Variants in GXYLT1 observed in about 807,000 individuals in gnomAD.
GXYLT1 encodes the protein glycosyltransferase 8 domain containing 3.
In GXYLT1, 29 loss-of-function variants were observed where a neutral mutation model predicts 54.0. The observed-to-expected ratio is 0.54, with a 90% CI of 0.40 to 0.73. The LOEUF is 0.73. GXYLT1 is among the 30% of genes least tolerant of loss of function. The pLI is 0.00. For missense variants in GXYLT1, 490 were observed against 553.4 expected, an observed-to-expected ratio of 0.89 and a Z score of 1.15; for synonymous variants, 176 against 204.1, an observed-to-expected ratio of 0.86 and a Z score of 1.17.
At chr12:42,115,756 T>G (rs2065490390) in intron 3 of GXYLT1, among the ~76,000 whole-genome samples, 1 of 151,932 alleles carries the variant, frequency 6.6e-6, no homozygotes. Context: ...CCAATGACTT[T>G]CTTCACAGAA....
chr12:42,117,238 C>T (rs904827474), intron 3 of GXYLT1, among the ~76,000 whole-genome samples: 1 of 151,452 alleles, frequency 6.6e-6, no homozygotes, highest in Admixed American at 6.6e-5. Context: ...TGTAACAAAC[C>T]TGCACATCAT....
intron 3 of GXYLT1, among the ~76,000 whole-genome samples, chr12:42,118,486 C>T (rs887474314): frequency 6.6e-6 from 1 of 152,202 alleles, no homozygotes; most frequent in Non-Finnish European, 1.5e-5. Context: ...GATCTGGACT[C>T]AGATGGAAGT....
chr12:42,133,482 C>T (rs1481580834), intron 1 of GXYLT1, among the ~76,000 whole-genome samples: 1 of 152,148 alleles, frequency 6.6e-6, no homozygotes, highest in Non-Finnish European at 1.5e-5. Flanking sequence ...AAGGCACATG[C>T]AGAAGCCACT....
intron 7 of GXYLT1, among the ~76,000 whole-genome samples, chr12:42,088,348 T>C (rs1278294546): frequency 1.3e-5 from 2 of 151,732 alleles, no homozygotes; most frequent in Admixed American, 1.3e-4. Context: ...GAGGCTGGAA[T>C]GGAAGGAAAT....
At chr12:42,103,514 T>A (rs2065402089) in intron 5 of GXYLT1, among the ~76,000 whole-genome samples, 1 of 152,192 alleles carries the variant, frequency 6.6e-6, no homozygotes, top group South Asian at 2.1e-4. Flanking sequence ...CTAGAAACTG[T>A]AAAACTGGTA....
intron 2 of GXYLT1, among the ~76,000 whole-genome samples, chr12:42,129,096 A>G (rs1177373863): frequency 6.6e-6 from 1 of 152,184 alleles, no homozygotes; most frequent in Non-Finnish European, 1.5e-5. Flanking sequence ...TCAGGGAGAT[A>G]GTCTGAGAGT....
chr12:42,118,732 T>TA (rs1181113816), intron 3 of GXYLT1, among the ~76,000 whole-genome samples: 1 of 152,188 alleles, frequency 6.6e-6, no homozygotes, highest in Non-Finnish European at 1.5e-5. Flanking sequence ...TCTCATGGTT[T>TA]AAAAGTGTGG....
rs569850863 is a variant in GXYLT1 at position 42,112,078 on chromosome 12, AG to A, written c.487-2388del. 6.7e-3 allele frequency among the ~76,000 whole-genome samples: 1,021 copies of A among 152,336 alleles called. 8 individuals carry two copies. Among genetic ancestry groups the A allele is most frequent in the Non-Finnish European group, 0.011 (739 of 68,022 alleles). Reference sequence around the variant, plus strand: ...CCAAACTCCAACAGACCTGCAGCTGAGGGTCCTGTCTGGTAGAAGGAAAACT... The same window carrying A: ...CCAAACTCCAACAGACCTGCAGCTGAGGTCCTGTCTGGTAGAAGGAAAACT... On this transcript the variant is annotated intron_variant, in intron 3 of 7. Transcript: ENST00000398675.
chr12:42,136,785 T>TACAA (rs1565582094), intron 1 of GXYLT1, among the ~76,000 whole-genome samples: 2 of 151,326 alleles, frequency 1.3e-5, no homozygotes, highest in East Asian at 1.9e-4. Context: ...CATACATACA[T>TACAA]ACAAACAAAC....
At chr12:42,130,142 A>G (rs1224440292) in intron 1 of GXYLT1, among the ~76,000 whole-genome samples, 1 of 152,168 alleles carries the variant, frequency 6.6e-6, no homozygotes, top group Admixed American at 6.5e-5. Context: ...ACACAGACAA[A>G]TATGTCTTCT....
rs549293975 is a variant in GXYLT1, at chr12:42,081,860, C to T, written c.*5926G>A. 3.7e-4 allele frequency: 56 copies of T among 152,246 alleles called. No individual in the cohort carries two copies. The highest frequency in any genetic ancestry group is 1.2e-3 in the African/African-American group (51 of 41,556). 9.4% of individuals were successfully genotyped at this position (152,246 alleles called of 1,614,324 possible). ...AGACATATAATTTGAGGAAATAAAA[C>T]GTTTATTGAGTAAATGTTTATTTAG... is the stretch of plus-strand genomic sequence containing the variant. On this transcript the variant is annotated 3_prime_UTR_variant, in exon 8 of 8. Coordinates refer to ENST00000398675, the MANE Select transcript of GXYLT1 (RefSeq NM_173601.2).
intron 1 of GXYLT1, among the ~76,000 whole-genome samples, chr12:42,141,525 T>C (rs2065652289): frequency 6.6e-6 from 1 of 151,852 alleles, no homozygotes; most frequent in Non-Finnish European, 1.5e-5. Context: ...GCTAAGACAG[T>C]AGATCTTTAG....
intron 5 of GXYLT1, among the ~76,000 whole-genome samples, chr12:42,101,484 A>G (rs1202676837): frequency 6.6e-6 from 1 of 152,218 alleles, no homozygotes; most frequent in African/African-American, 2.4e-5. Flanking sequence ...GAAGTCAGTC[A>G]ACTATATATT....
chr12:42,127,189 A>G (rs1300033003), intron 2 of GXYLT1, among the ~76,000 whole-genome samples: 1 of 151,972 alleles, frequency 6.6e-6, no homozygotes, highest in Non-Finnish European at 1.5e-5. Context: ...CCAGTATTAA[A>G]GTAGATACTG....
chr12:42,114,460 C>T (rs917887883), intron 3 of GXYLT1, among the ~76,000 whole-genome samples: 18 of 152,140 alleles, frequency 1.2e-4, no homozygotes, highest in African/African-American at 4.3e-4. Context: ...CACCACCAAT[C>T]CCACAGAAAT....
chr12:42,137,049 C>T (rs1032287787), intron 1 of GXYLT1, among the ~76,000 whole-genome samples: 8 of 152,076 alleles, frequency 5.3e-5, no homozygotes, highest in African/African-American at 1.2e-4. Flanking sequence ...ATTACAGGTA[C>T]GAGCCACCAT....
chr12:42,143,133 G>A (rs1044861213), intron 1 of GXYLT1, among the ~76,000 whole-genome samples: 3 of 152,162 alleles, frequency 2.0e-5, no homozygotes, highest in African/African-American at 7.2e-5. Context: ...CACTAAAAAT[G>A]TGATGTTAAC....
In GXYLT1 at chr12:42,124,461, T is replaced by C. The variant is rs374664108; in HGVS notation, c.315-5290A>G. ...TTCTAAGAGTTCATAAAATAAACAT[T>C]AAAAATTCAATAGATAACTATCAAT... On this transcript the variant is annotated intron_variant, in intron 2 of 7. Coordinates refer to ENST00000398675, the MANE Select transcript of GXYLT1 (RefSeq NM_173601.2). 1.3e-3 allele frequency among the ~76,000 whole-genome samples: 203 copies of C among 151,972 alleles called. 5 individuals carry two copies. The South Asian group carries it at 0.042, about 31-fold the overall frequency.
chr12:42,105,742 T>A (rs1474741501), intron 5 of GXYLT1, 76 bp downstream of exon 5: 1 of 1,120,972 alleles, frequency 8.9e-7, no homozygotes, highest in Non-Finnish European at 1.3e-6. Flanking sequence ...TAGTTTTTAA[T>A]AAAATTTAGT....
Sources: gnomAD v4.1 joint callset for allele counts (sites outside exome capture counted in the v4.1 genomes callset) on GRCh38, gnomAD v4.1.1 for gene constraint, MANE v1.5 for transcripts, NCBI Gene and HGNC (gene_info 2026-07-23, HGNC 2026-07-21) for gene names.